The following NR2F1-AS1 variants were observed in gnomAD, a reference collection of about 807,000 sequenced individuals.
NR2F1-AS1 encodes NR2F1 regulatory antisense RNA 1.
At chr5:93,567,797 T>C (rs79017586) in intron 1 of NR2F1-AS1, among the ~76,000 whole-genome samples, 4,485 of 152,308 alleles carry the variant, frequency 0.029, 213 homozygotes, top group African/African-American at 0.1. Context: ...TCTTCCACAG[T>C]GTGGTGAACC....
chr5:93,514,669 T>C lies in NR2F1-AS1; in HGVS notation n.638+39092A>G, dbSNP rs1010524851. Among the ~76,000 whole-genome samples, 7 of 152,102 alleles carry C rather than the reference T, an allele frequency of 4.6e-5. 1 individual carries two copies. The highest frequency in any genetic ancestry group is 7.4e-5 in the Non-Finnish European group (5 of 67,982). On this transcript the variant is annotated intron_variant and non_coding_transcript_variant, in intron 4 of 5. Coordinates refer to ENST00000660523, the Ensembl canonical transcript of NR2F1-AS1. ...TTTTAGTTGGAGCAATTCTTGCTGA[T>C]GCACTGAATCTGTACTTGAGGAAAC...
At chr5:93,440,744 CTGA>C (rs1335322476) in intron 4 of NR2F1-AS1, among the ~76,000 whole-genome samples, 2 of 152,326 alleles carry the variant, frequency 1.3e-5, no homozygotes, top group East Asian at 3.9e-4. Flanking sequence ...TGCCATGTCA[CTGA>C]TGTTTTCCCT....
chr5:93,445,893 A>G (rs1307380817), intron 4 of NR2F1-AS1, among the ~76,000 whole-genome samples: 2 of 152,220 alleles, frequency 1.3e-5, no homozygotes, highest in Non-Finnish European at 2.9e-5. Flanking sequence ...AGGCTGGTTC[A>G]ACATATGCAA....
chr5:93,566,980 G>A (rs1418617501), intron 1 of NR2F1-AS1, among the ~76,000 whole-genome samples: 2 of 151,766 alleles, frequency 1.3e-5, no homozygotes. Context: ...ATACAAAATG[G>A]CATTTCTAAT....
chr5:93,518,709 T>C (rs1164891522), intron 4 of NR2F1-AS1, among the ~76,000 whole-genome samples: 3 of 152,112 alleles, frequency 2.0e-5, no homozygotes, highest in Non-Finnish European at 2.9e-5. Flanking sequence ...CTAAATAATA[T>C]GCATTTTGAA....
chr5:93,538,891 T>C (rs1447826663), intron 4 of NR2F1-AS1, among the ~76,000 whole-genome samples: 6 of 152,220 alleles, frequency 3.9e-5, no homozygotes, highest in Admixed American at 3.3e-4. Context: ...GGTTTCGTTA[T>C]ACATCACTTC....
At chr5:93,441,077 GATAAC>G (rs1422353019) in intron 4 of NR2F1-AS1, among the ~76,000 whole-genome samples, 3 of 152,116 alleles carry the variant, frequency 2.0e-5, no homozygotes, top group Non-Finnish European at 4.4e-5. Flanking sequence ...AAACTTTAGA[GATAAC>G]ATAAAGTATT....
At chr5:93,441,480 G>T (rs1749568419) in intron 4 of NR2F1-AS1, among the ~76,000 whole-genome samples, 1 of 152,192 alleles carries the variant, frequency 6.6e-6, no homozygotes, top group South Asian at 2.1e-4. Context: ...ACAGCTGAGG[G>T]AAATTCTGGT....
intron 4 of NR2F1-AS1, among the ~76,000 whole-genome samples, chr5:93,530,219 T>C (rs1162703747): frequency 1.3e-5 from 2 of 151,890 alleles, no homozygotes; most frequent in Non-Finnish European, 2.9e-5. Flanking sequence ...TAGCTGGGAC[T>C]ACAGGTGCAT....
At chr5:93,467,129 T>A (rs1347191096) in intron 4 of NR2F1-AS1, among the ~76,000 whole-genome samples, 2 of 152,186 alleles carry the variant, frequency 1.3e-5, no homozygotes, top group African/African-American at 4.8e-5. Context: ...CTTGAACTCT[T>A]GACCTCAAGT....
chr5:93,557,855 C>A (rs564996924), intron 2 of NR2F1-AS1, among the ~76,000 whole-genome samples: 1 of 152,318 alleles, frequency 6.6e-6, no homozygotes, highest in East Asian at 1.9e-4. Context: ...TCCCTTCAAA[C>A]CCTGCTGTTG....
At chr5:93,576,227 A>T (rs1031996085) in intron 1 of NR2F1-AS1, among the ~76,000 whole-genome samples, 5 of 152,234 alleles carry the variant, frequency 3.3e-5, no homozygotes, top group African/African-American at 1.2e-4. Flanking sequence ...AGAAGACTTT[A>T]TGCAGGGGGG....
chr5:93,572,124 G>A (rs1752783383), intron 1 of NR2F1-AS1, among the ~76,000 whole-genome samples: 1 of 152,240 alleles, frequency 6.6e-6, no homozygotes, highest in Non-Finnish European at 1.5e-5. Context: ...GTTCTGGACA[G>A]ACTTGGTCTA....
At chr5:93,537,051 G>A (rs1487646750) in intron 4 of NR2F1-AS1, among the ~76,000 whole-genome samples, 2 of 152,192 alleles carry the variant, frequency 1.3e-5, no homozygotes, top group African/African-American at 4.8e-5. Flanking sequence ...ATGTGGAACT[G>A]TAAGTCCAAT....
chr5:93,522,675 G>A (rs890478626), intron 4 of NR2F1-AS1, among the ~76,000 whole-genome samples: 1 of 152,226 alleles, frequency 6.6e-6, no homozygotes, highest in African/African-American at 2.4e-5. Context: ...TGGTTAGACA[G>A]TGGGTGCAGC....
intron 4 of NR2F1-AS1, among the ~76,000 whole-genome samples, chr5:93,513,468 G>A (rs1751342721): frequency 6.6e-6 from 1 of 152,108 alleles, no homozygotes; most frequent in Non-Finnish European, 1.5e-5. Context: ...ACATACCATG[G>A]AATACTATGC....
chr5:93,450,610 G>C (rs1749807028), intron 4 of NR2F1-AS1, among the ~76,000 whole-genome samples: 1 of 152,114 alleles, frequency 6.6e-6, no homozygotes, highest in African/African-American at 2.4e-5. Flanking sequence ...ATTATGTTCT[G>C]TGGAACACTA....
Position 93,426,660 on chromosome 5 carries a change from A to G in NR2F1-AS1, n.639-31118T>C, listed in dbSNP as rs915494430. Among the ~76,000 whole-genome samples the G allele has an allele frequency of 5.3e-5, 8 of 152,326 alleles. 1 individual carries two copies. Among genetic ancestry groups the G allele is most frequent in the East Asian group, 3.9e-4 (2 of 5,186 alleles). On this transcript the variant is annotated intron_variant and non_coding_transcript_variant, in intron 4 of 5. Transcript: ENST00000660523. ...AGTACCTGCCATACACCCAACACTCATATCAAATCACAAAGTCTCCTGTTT... is the reference window on the plus strand; with the variant it reads ...AGTACCTGCCATACACCCAACACTCGTATCAAATCACAAAGTCTCCTGTTT...
At chr5:93,547,203 G>A (rs932580904) in intron 4 of NR2F1-AS1, among the ~76,000 whole-genome samples, 4 of 152,064 alleles carry the variant, frequency 2.6e-5, no homozygotes, top group Admixed American at 1.3e-4. Flanking sequence ...TATTGGTTCC[G>A]TTCCTCTGGG....
Sources: allele counts gnomAD v4.1 joint callset (sites outside exome capture counted in the v4.1 genomes callset), GRCh38; gene constraint gnomAD v4.1.1; transcripts MANE v1.5; gene names NCBI Gene and HGNC (gene_info 2026-07-23, HGNC 2026-07-21).